Variants in CLCN4 observed in about 807,000 individuals in gnomAD.
The protein encoded by CLCN4 is H(+)/Cl(-) exchange transporter 4.
Under a neutral mutation model 41.7 loss-of-function variants are expected in CLCN4, and 1 was observed. The observed-to-expected ratio is 0.02, with a 90% CI of 0.01 to 0.11. The LOEUF is 0.11. Ranked by LOEUF, CLCN4 falls within the 10% of genes least tolerant of loss-of-function variation. The pLI is 1.00. For synonymous variants in CLCN4, 277 were observed against 285.8 expected (o/e 0.97, Z 0.31); for missense variants, 287 against 661.0 (o/e 0.43, Z 6.20).
rs1165347833 is a variant in CLCN4 at position 10,173,019 on chromosome X, A to G, written c.-11-12003A>G. ...AGCTGGAGCAGGAAGGAGTGAAATGACACAGTCTGATGACGATCACGGTAA... is the reference window on the plus strand; with the variant it reads ...AGCTGGAGCAGGAAGGAGTGAAATGGCACAGTCTGATGACGATCACGGTAA... On this transcript the variant is annotated intron_variant, in intron 2 of 12. Transcript: ENST00000380833. Among the ~76,000 whole-genome samples the G allele has an allele frequency of 6.3e-5, 7 of 111,540 alleles. No homozygotes were observed. The East Asian group carries it at 2.0e-3, about 31-fold the overall frequency.
chrX:10,208,741 A>G lies in CLCN4; in HGVS notation c.1389+151A>G, dbSNP rs4830705. The G allele has an allele frequency of 0.12, 54,675 of 457,652 alleles. 2,549 individuals are homozygous for G. The highest frequency in any genetic ancestry group is 0.29 in the South Asian group (7,706 of 26,973). 37.7% of individuals were successfully genotyped at this position (457,652 alleles called of 1,213,427 possible). On this transcript the variant is annotated intron_variant, in intron 9 of 12. Coordinates refer to ENST00000380833, the MANE Select transcript of CLCN4 (RefSeq NM_001830.4). ...CCAGGCACTTGACATTCCTTTAATC[A>G]ATAGGAAATAACTTCTAATAAACAA...
Position 10,157,108 on chromosome X carries a change from G to T in CLCN4, c.-275+8G>T, listed in dbSNP as rs1465050239. The T allele has an allele frequency of 3.4e-6, 1 of 296,481 alleles. No homozygotes were observed. The highest frequency in any genetic ancestry group is 6.1e-5 in the Admixed American group (1 of 16,390). The allele number at this position is 296,481 out of a possible 1,213,427, so 24.4% of individuals were successfully genotyped here. A position where few individuals can be genotyped will look rare whatever the true frequency, so the allele number is the denominator to read the frequency against. On this transcript the variant is annotated splice_region_variant and intron_variant, in intron 1 of 12. Coordinates refer to ENST00000380833, the MANE Select transcript of CLCN4 (RefSeq NM_001830.4). ...AGAATCTGAAAGCGGAAGGTAAGCTGCTTATCACTCAGAAAAACAAATTTG... is the reference window on the plus strand; with the variant it reads ...AGAATCTGAAAGCGGAAGGTAAGCTTCTTATCACTCAGAAAAACAAATTTG...
chrX:10,176,384 C>T (rs1036344918), intron 2 of CLCN4, among the ~76,000 whole-genome samples: 3 of 112,830 alleles, frequency 2.7e-5, no homozygotes, highest in Non-Finnish European at 5.6e-5. Flanking sequence ...CCATATTGTC[C>T]GTGGCTGCTC....
chrX:10,223,584 T>G (rs1924911754), intron 12 of CLCN4, among the ~76,000 whole-genome samples: 1 of 111,983 alleles, frequency 8.9e-6, no homozygotes. Context: ...TCGCCCACCC[T>G]GTACCTTCCC....
In CLCN4 at chrX:10,214,009, C is replaced by T. The variant is rs749273690; in HGVS notation, c.1905C>T (p.Pro635=). The stretch of plus-strand genomic sequence containing the variant: ...AGGAGACCGACTACAACGGCTTCCC[C>T]GTGGTGGTCTCCAGAGACTCCGAGC... ...LIKETDYNGF[P]VVVSRDSERL... is the part of the protein sequence containing the mutation. The change falls in exon 11 of 13, where the codon CCC becomes CCT. Residue 635 remains proline (P), a synonymous_variant. Coordinates refer to ENST00000380833, the MANE Select transcript of CLCN4 (RefSeq NM_001830.4). 37 of 1,207,337 alleles carry T rather than the reference C, an allele frequency of 3.1e-5. No homozygotes were observed. The East Asian group carries it at 4.1e-4, about 14-fold the overall frequency.
At position 10,204,613 on chromosome X, in the gene CLCN4, C is replaced by CTTTTTTTTTTTTTTTTTTTTTTTT. The variant is rs61453535; in HGVS notation, c.556-1732_556-1709dup. Among the ~76,000 whole-genome samples, 4 of 27,349 alleles carry CTTTTTTTTTTTTTTTTTTTTTTTT rather than the reference C, an allele frequency of 1.5e-4. 2 individuals carry two copies. Among genetic ancestry groups the CTTTTTTTTTTTTTTTTTTTTTTTT allele is most frequent in the Non-Finnish European group, 3.7e-4 (4 of 10,921 alleles). 23.7% of individuals were successfully genotyped at this position (27,349 alleles called of 115,157 possible). A position where few individuals can be genotyped will look rare whatever the true frequency, so the allele number is the denominator to read the frequency against. ...CTATTCTCACCAGAAAGCTAGTAGT[C>CTTTTTTTTTTTTTTTTTTTTTTTT]TTTTTTTTTTTTTTTTTTTTTTTTT... On this transcript the variant is annotated intron_variant, in intron 6 of 12. Transcript: ENST00000380833.
In CLCN4 at chrX:10,211,140, C is replaced by A. The variant is rs181869040; in HGVS notation, c.1390-1327C>A. On this transcript the variant is annotated intron_variant, in intron 9 of 12. Coordinates refer to ENST00000380833, the MANE Select transcript of CLCN4 (RefSeq NM_001830.4). The stretch of plus-strand genomic sequence containing the variant: ...AATTAGCTGGGCGTGGTGACACACG[C>A]CTGTGGTCCCAGCTACTCGGGAGGC... Among the ~76,000 whole-genome samples the A allele has an allele frequency of 2.1e-3, 221 of 105,714 alleles. 1 individual carries two copies. The highest frequency in any genetic ancestry group is 7.4e-3 in the African/African-American group (214 of 29,013). 91.8% of individuals were successfully genotyped at this position (105,714 alleles called of 115,157 possible).
At chrX:10,216,414 C>A (rs949996764) in intron 11 of CLCN4, among the ~76,000 whole-genome samples, 2 of 111,549 alleles carry the variant, frequency 1.8e-5, no homozygotes, top group African/African-American at 6.5e-5. Context: ...GGCAAATGGG[C>A]CTTTACCTCT....
At chrX:10,185,704 GC>G (rs1438413447) in intron 3 of CLCN4, among the ~76,000 whole-genome samples, 1 of 111,339 alleles carries the variant, frequency 9.0e-6, no homozygotes, top group Non-Finnish European at 1.9e-5. Flanking sequence ...CATCAGGAAT[GC>G]CCCCCTTTTT....
At chrX:10,165,224 C>T (rs925168679) in intron 2 of CLCN4, among the ~76,000 whole-genome samples, 20 of 113,075 alleles carry the variant, frequency 1.8e-4, no homozygotes, top group African/African-American at 6.4e-4. Flanking sequence ...GCACTCAGCC[C>T]CCTCGTATTC....
At chrX:10,174,799 C>T (rs1046110356) in intron 2 of CLCN4, among the ~76,000 whole-genome samples, 1 of 112,173 alleles carries the variant, frequency 8.9e-6, no homozygotes, top group Non-Finnish European at 1.9e-5. Context: ...TCAGGAAAGA[C>T]TGTTGCTGCT....
chrX:10,187,303 CTT>C (rs746645597), intron 3 of CLCN4, among the ~76,000 whole-genome samples: 1 of 111,954 alleles, frequency 8.9e-6, no homozygotes, highest in Non-Finnish European at 1.9e-5. Flanking sequence ...TCTTTGGAGA[CTT>C]TTGTGGCATC....
At chrX:10,205,550 G>C (rs183591068) in intron 6 of CLCN4, among the ~76,000 whole-genome samples, 1 of 106,670 alleles carries the variant, frequency 9.4e-6, no homozygotes, top group Admixed American at 1.0e-4. Flanking sequence ...TTTTTCAAGA[G>C]CCTTTAACCC....
At chrX:10,212,388 G>T in intron 9 of CLCN4, 79 bp from the exon 10 acceptor site, 2 of 985,207 alleles carry the variant, frequency 2.0e-6, no homozygotes, top group East Asian at 6.1e-5. Context: ...CCCGTCGAGG[G>T]GGAATGTGTT....
rs57273845 is a variant in CLCN4, at chrX:10,195,217, C to T, written c.432+119C>T. The stretch of plus-strand genomic sequence containing the variant: ...ACCTTCAAGTGCCTGCTCTGAAGTT[C>T]GTGGCTTAACACTAGATGACGGGCT... On this transcript the variant is annotated intron_variant, in intron 5 of 12. Coordinates refer to ENST00000380833, the MANE Select transcript of CLCN4 (RefSeq NM_001830.4). The T allele has an allele frequency of 0.01, 7,011 of 690,564 alleles. 314 individuals are homozygous for T. The African/African-American group carries it at 0.13, about 13-fold the overall frequency. The allele number at this position is 690,564 out of a possible 1,213,427, so 56.9% of individuals were successfully genotyped here.
rs1453547005 is a variant in CLCN4 at position 10,237,183 on chromosome X, A to G, written c.*3599A>G. 2.7e-5 allele frequency: 3 copies of G among 112,682 alleles called. No homozygotes were observed. Among genetic ancestry groups the G allele is most frequent in the Non-Finnish European group, 5.6e-5 (3 of 53,412 alleles). 9.3% of individuals were successfully genotyped at this position (112,682 alleles called of 1,213,427 possible). Reference sequence around the variant, plus strand: ...AATTTTAGAGCAGTTTGTTTCACTTAGGTGAGAACTGATTACTTTAAATTA... The same window carrying G: ...AATTTTAGAGCAGTTTGTTTCACTTGGGTGAGAACTGATTACTTTAAATTA... On this transcript the variant is annotated 3_prime_UTR_variant, in exon 13 of 13. Transcript: ENST00000380833.
At chrX:10,189,900 G>T (rs1923912569) in intron 4 of CLCN4, among the ~76,000 whole-genome samples, 1 of 112,345 alleles carries the variant, frequency 8.9e-6, no homozygotes, top group Non-Finnish European at 1.9e-5. Context: ...GTGAATGAAT[G>T]AATAATGATG....
chrX:10,161,480 G>A (rs764992804), intron 2 of CLCN4, among the ~76,000 whole-genome samples: 3 of 112,155 alleles, frequency 2.7e-5, no homozygotes, highest in East Asian at 2.8e-4. Flanking sequence ...TCCATCAAAC[G>A]AGACTTAAGA....
At chrX:10,199,553 G>C (rs986358201) in intron 6 of CLCN4, among the ~76,000 whole-genome samples, 7 of 111,067 alleles carry the variant, frequency 6.3e-5, no homozygotes, top group Non-Finnish European at 1.1e-4. Context: ...TGGCATATGT[G>C]TGAACCGGTA....
Sources: allele counts gnomAD v4.1 joint callset (sites outside exome capture counted in the v4.1 genomes callset), GRCh38; gene constraint gnomAD v4.1.1; transcripts MANE v1.5; gene names NCBI Gene and HGNC (gene_info 2026-07-23, HGNC 2026-07-21).